PCDHGA3: variants seen among roughly 807,000 people sequenced by gnomAD.
The protein encoded by PCDHGA3 is protocadherin gamma-A3.
PCDHGA3 carries 40 observed loss-of-function variants against 58.5 expected under a neutral mutation model. That is an observed-to-expected ratio of 0.68 (90% confidence interval 0.53 to 0.89). The LOEUF (loss-of-function observed/expected upper bound fraction) is 0.89, where lower values mean the gene tolerates loss of function less well. Among genes scored for constraint, PCDHGA3 ranks in the 40% least tolerant of loss-of-function variants. The pLI, the probability that PCDHGA3 is intolerant of heterozygous loss-of-function variation, is 0.00. For synonymous variants in PCDHGA3, 530 were observed against 525.7 expected, an observed-to-expected ratio of 1.01 and a Z score of -0.11; for missense variants, 1,223 against 1,195.9, an observed-to-expected ratio of 1.02 and a Z score of -0.33.
At chr5:141,394,648 G>T (rs1294007915) in intron 1 of PCDHGA3, 1 of 1,613,404 alleles carries the variant, frequency 6.2e-7, no homozygotes, top group East Asian at 2.2e-5. Flanking sequence ...CTCAAGGCCA[G>T]CGAGCCGGGA....
At chr5:141,429,039 A>G (rs565483195) in intron 1 of PCDHGA3, 1 of 152,202 alleles carries the variant, frequency 6.6e-6, no homozygotes, top group East Asian at 1.9e-4. Flanking sequence ...CATTTTTAGT[A>G]CAGACGGGGT....
rs572603287 is a variant in PCDHGA3 at position 141,477,037 on chromosome 5, G to T, written c.2425-17770G>T. 19 of 1,614,266 alleles carry T rather than the reference G, an allele frequency of 1.2e-5. No homozygotes were observed. In the East Asian group the frequency reaches 3.8e-4, roughly 32 times the overall value. Reference sequence around the variant, plus strand: ...TTGTAACCGGGATGCTGACAATCAAGGGTCGGCTGGACTTCGAGGACACCA... The same window carrying T: ...TTGTAACCGGGATGCTGACAATCAATGGTCGGCTGGACTTCGAGGACACCA... On this transcript the variant is annotated intron_variant, in intron 1 of 3. Transcript: ENST00000253812. The surrounding 1 kb of genome is among the most constrained non-coding windows in gnomAD (Gnocchi z 4.9).
At chr5:141,370,659 C>T (rs1394525404) in intron 1 of PCDHGA3, 1 of 1,613,780 alleles carries the variant, frequency 6.2e-7, no homozygotes, top group South Asian at 1.1e-5. Context: ...TGTGAGCGAC[C>T]GTATAGACCG....
chr5:141,492,492 G>A (rs896538392), intron 1 of PCDHGA3, among the ~76,000 whole-genome samples: 2 of 152,206 alleles, frequency 1.3e-5, no homozygotes, highest in African/African-American at 2.4e-5. Context: ...AGGACCAGGC[G>A]AGGACTCCGG....
chr5:141,408,506 T>C, intron 1 of PCDHGA3: 2 of 1,614,010 alleles, frequency 1.2e-6, no homozygotes, highest in Non-Finnish European at 1.7e-6. Flanking sequence ...GAGAAGAAGA[T>C]GTGAGTTGCA....
chr5:141,496,663 G>A (rs2099770279), intron 2 of PCDHGA3, among the ~76,000 whole-genome samples: 1 of 152,196 alleles, frequency 6.6e-6, no homozygotes, highest in Admixed American at 6.5e-5. Context: ...GACCCCAGCT[G>A]TTGTCCTTCT....
At chr5:141,403,226 C>A in intron 1 of PCDHGA3, 3 of 1,613,926 alleles carry the variant, frequency 1.9e-6, no homozygotes, top group South Asian at 1.1e-5. Context: ...TAGGATAGAC[C>A]GGGAGGAGCT....
chr5:141,370,878 G>A (rs906619365), intron 1 of PCDHGA3: 1 of 1,613,918 alleles, frequency 6.2e-7, no homozygotes, highest in African/African-American at 1.3e-5. Flanking sequence ...AGATCCTGAT[G>A]TAGGTGTCAA....
rs1757952435 is a variant in PCDHGA3 at position 141,347,324 on chromosome 5, T to C, written c.2424+867T>C. On this transcript the variant is annotated intron_variant, in intron 1 of 3. Coordinates refer to ENST00000253812, the MANE Select transcript of PCDHGA3 (RefSeq NM_018916.4). ...ACGAGCCACCCTCCCAGCTAATTTG[T>C]TTTTGTTTTTGTAGAGATGGGGCAA... 2.6e-5 allele frequency among the ~76,000 whole-genome samples: 4 copies of C among 151,966 alleles called. No homozygotes were observed. The South Asian group carries it at 6.2e-4, about 24-fold the overall frequency.
intron 1 of PCDHGA3, chr5:141,389,865 G>A: frequency 1.2e-6 from 2 of 1,614,080 alleles, no homozygotes; most frequent in Non-Finnish European, 1.7e-6. Flanking sequence ...GTTGCACCTG[G>A]TCTTCGCCGA....
chr5:141,389,814 G>T, intron 1 of PCDHGA3: 3 of 1,613,868 alleles, frequency 1.9e-6, no homozygotes, highest in Non-Finnish European at 2.5e-6. Flanking sequence ...TCTGGTCGCC[G>T]TGCGTGACGG....
At chr5:141,445,808 T>A (rs1004030960) in intron 1 of PCDHGA3, among the ~76,000 whole-genome samples, 1 of 152,182 alleles carries the variant, frequency 6.6e-6, no homozygotes, top group Non-Finnish European at 1.5e-5. Flanking sequence ...AATAAATAGA[T>A]GAAACTAATA....
At chr5:141,361,231 A>G (rs1248946415) in intron 1 of PCDHGA3, 3 of 1,614,014 alleles carry the variant, frequency 1.9e-6, no homozygotes, top group Non-Finnish European at 2.5e-6. Context: ...AGGAACAGTG[A>G]TCGCCTTGAT....
intron 1 of PCDHGA3, chr5:141,394,269 C>G (rs367765478): frequency 1.1e-5 from 17 of 1,613,830 alleles, no homozygotes; most frequent in Admixed American, 1.7e-5. Flanking sequence ...GGAGAATGCC[C>G]AGGTCACTTA....
At chr5:141,422,287 A>G in intron 1 of PCDHGA3, 3 of 1,553,500 alleles carry the variant, frequency 1.9e-6, no homozygotes, top group South Asian at 1.3e-5. Context: ...CACCTCTTCT[A>G]TTAATTCAAT....
At chr5:141,382,782 G>A (rs1294010280) in intron 1 of PCDHGA3, 22 of 844,882 alleles carry the variant, frequency 2.6e-5, no homozygotes, top group African/African-American at 1.2e-4. Flanking sequence ...CTAAACTCAA[G>A]CCTCTATCCT....
chr5:141,407,947 G>C (rs910743144), intron 1 of PCDHGA3: 7 of 561,352 alleles, frequency 1.2e-5, no homozygotes, highest in South Asian at 3.4e-5. Context: ...CGCCGCTGTC[G>C]GCCAGTGCAG....
At position 141,485,675 on chromosome 5, in the gene PCDHGA3, A is replaced by C. The variant is rs1562106929; in HGVS notation, c.2425-9132A>C. 6.2e-7 allele frequency: 1 copy of C among 1,613,068 alleles called. No homozygotes were observed. The highest frequency in any genetic ancestry group is 8.5e-7 in the Non-Finnish European group (1 of 1,179,150). On this transcript the variant is annotated intron_variant, in intron 1 of 3. Coordinates refer to ENST00000253812, the MANE Select transcript of PCDHGA3 (RefSeq NM_018916.4). The surrounding 1 kb of genome is among the most constrained non-coding windows in gnomAD (Gnocchi z 5.7). ...TGCAGATGTGGGGAGCAATTCGATT[A>C]GCAGCTATAGGCTGAGCTCCAATGA...
At chr5:141,414,678 G>A (rs1276367800) in intron 1 of PCDHGA3, 14 of 1,613,856 alleles carry the variant, frequency 8.7e-6, no homozygotes, top group African/African-American at 1.3e-5. Context: ...ACACCATCCA[G>A]GGGGTACCTC....
Sources: gnomAD v4.1 joint callset for allele counts (sites outside exome capture counted in the v4.1 genomes callset) on GRCh38, gnomAD v4.1.1 for gene constraint, Gnocchi (gnomAD v3.1) non-coding constraint, MANE v1.5 for transcripts, NCBI Gene and HGNC (gene_info 2026-07-23, HGNC 2026-07-21) for gene names.